The following PHKA2 variants were observed in gnomAD, a reference collection of about 807,000 sequenced individuals.
PHKA2 encodes phosphorylase kinase regulatory subunit alpha 2, also known as phosphorylase b kinase regulatory subunit alpha, liver isoform.
In PHKA2, 31 loss-of-function variants were observed where a neutral mutation model predicts 102.0. The ratio of observed to expected loss-of-function variants is 0.30; its 90% CI spans 0.23 to 0.41. The LOEUF is 0.41. PHKA2 is among the 10% of genes least tolerant of loss of function. The pLI is 1.00. For missense variants in PHKA2, 858 were observed against 1,023.1 expected, an observed-to-expected ratio of 0.84 and a Z score of 2.20; for synonymous variants, 455 against 416.2, an observed-to-expected ratio of 1.09 and a Z score of -1.13.
chrX:18,927,661 C>T (rs1287778501), intron 13 of PHKA2, among the ~76,000 whole-genome samples: 1 of 111,933 alleles, frequency 8.9e-6, no homozygotes, highest in Non-Finnish European at 1.9e-5. Flanking sequence ...CTCATCTGAC[C>T]TTCACAACAA....
intron 31 of PHKA2, chrX:18,894,910 G>C: frequency 4.5e-6 from 2 of 443,821 alleles, no homozygotes; most frequent in East Asian, 3.8e-5. Context: ...CAAAGAGCTT[G>C]CTAGCCCAGA....
At chrX:18,916,152 C>T (rs890683330) in intron 19 of PHKA2, among the ~76,000 whole-genome samples, 45 of 112,258 alleles carry the variant, frequency 4.0e-4, no homozygotes, top group African/African-American at 1.4e-3. Context: ...CGGTGGCTCA[C>T]GCCTGTAATC....
intron 20 of PHKA2, among the ~76,000 whole-genome samples, chrX:18,909,807 G>C (rs941634692): frequency 2.7e-5 from 3 of 112,398 alleles, no homozygotes; most frequent in African/African-American, 9.7e-5. Flanking sequence ...GGTGTCAAGC[G>C]GCTTCTAGAC....
rs2048254561 is a variant in PHKA2 at position 18,928,531 on chromosome X, A to G, written c.1324+697T>C. ...TGTACACACAACATGCTATGACACTAGCTGGTGTGCTCTATGGGGCACAGA... is the reference window on the plus strand; with the variant it reads ...TGTACACACAACATGCTATGACACTGGCTGGTGTGCTCTATGGGGCACAGA... On this transcript the variant is annotated intron_variant, in intron 13 of 32. Coordinates refer to ENST00000379942, the MANE Select transcript of PHKA2 (RefSeq NM_000292.3). Among the ~76,000 whole-genome samples the G allele has an allele frequency of 2.7e-5, 3 of 112,640 alleles. No individual in the cohort carries two copies. In the Admixed American group the frequency reaches 2.8e-4, roughly 11 times the overall value.
chrX:18,974,688 A>ATGG (rs2049061795), intron 1 of PHKA2, among the ~76,000 whole-genome samples: 2 of 111,399 alleles, frequency 1.8e-5, no homozygotes. Flanking sequence ...GTGAGCTCAC[A>ATGG]TGGTGGTGGT....
chrX:18,899,281 C>A, intron 28 of PHKA2, 55 bp from the exon 29 acceptor site: 1 of 993,372 alleles, frequency 1.0e-6, no homozygotes, highest in Non-Finnish European at 1.4e-6. Flanking sequence ...AGAGACACAG[C>A]AGAGAGGAGG....
chrX:18,909,001 T>A, intron 20 of PHKA2, 67 bp from the exon 21 acceptor site: 1 of 1,187,603 alleles, frequency 8.4e-7, no homozygotes, highest in Non-Finnish European at 1.1e-6. Flanking sequence ...GATCAAGAAG[T>A]GAAACACCAA....
At position 18,920,077 on chromosome X, in the gene PHKA2, T is replaced by C; in HGVS notation, c.1918A>G (p.Ser640Gly). 1 of 1,201,875 alleles carries C rather than the reference T, an allele frequency of 8.3e-7. No homozygotes were observed. Among genetic ancestry groups the C allele is most frequent in the Non-Finnish European group, 1.1e-6 (1 of 886,507 alleles). Residue 640 changes from serine (S) to glycine (G), a missense_variant, in exon 18 of 33, where the codon AGT (serine) becomes GGT (glycine). Ser to Gly is a moderately conservative substitution (Grantham distance 56). Coordinates refer to ENST00000379942, the MANE Select transcript of PHKA2 (RefSeq NM_000292.3). ...NASEGTFSPD[S>G]DSDLVGYLED... is the part of the protein sequence containing the mutation. ...AGATATCCTACCAAATCTGAATCAC[T>C]ATCAGGACTGAAAGTCCCTTCGCTG... is the stretch of plus-strand genomic sequence containing the variant.
intron 19 of PHKA2, among the ~76,000 whole-genome samples, chrX:18,911,172 ATT>A (rs201671901): frequency 1.2e-4 from 12 of 96,693 alleles, no homozygotes; most frequent in Admixed American, 1.1e-4. Context: ...CGCCCAGCTA[ATT>A]TTTTTTTTTT....
At chrX:18,967,800 T>C (rs2048965525) in intron 1 of PHKA2, among the ~76,000 whole-genome samples, 1 of 111,236 alleles carries the variant, frequency 9.0e-6, no homozygotes, top group Non-Finnish European at 1.9e-5. Context: ...CAGTCTTTCC[T>C]TTATTAAAAG....
At chrX:18,940,231 G>A (rs954365250) in intron 8 of PHKA2, among the ~76,000 whole-genome samples, 183 bp from the exon 9 acceptor site, 4 of 111,977 alleles carry the variant, frequency 3.6e-5, no homozygotes, top group Non-Finnish European at 7.5e-5. Flanking sequence ...GGTTTGATCG[G>A]TACTTGGAAG....
intron 19 of PHKA2, among the ~76,000 whole-genome samples, chrX:18,917,601 C>T (rs1414030322): frequency 1.8e-5 from 2 of 111,799 alleles, no homozygotes; most frequent in Non-Finnish European, 3.8e-5. Context: ...CCCAGCCAAA[C>T]TCTCAAATGG....
chrX:18,971,045 G>T (rs1450781197), intron 1 of PHKA2, among the ~76,000 whole-genome samples: 1 of 112,731 alleles, frequency 8.9e-6, no homozygotes, highest in Non-Finnish European at 1.9e-5. Flanking sequence ...GCCACTGGTA[G>T]CCCAGGTATC....
intron 6 of PHKA2, among the ~76,000 whole-genome samples, chrX:18,944,438 C>T (rs1370009999): frequency 8.9e-6 from 1 of 111,770 alleles, no homozygotes. Context: ...GCCCTGGAGG[C>T]TCTACTCTGT....
In PHKA2 at chrX:18,906,621, T is replaced by C; in HGVS notation, c.2680A>G (p.Ile894Val). 2 of 1,200,542 alleles carry C rather than the reference T, an allele frequency of 1.7e-6. No homozygotes were observed. Among genetic ancestry groups the C allele is most frequent in the East Asian group, 5.9e-5 (2 of 33,790 alleles). The change falls in exon 25 of 33, where the codon ATT becomes GTT. Residue 894 changes from isoleucine (I) to valine (V), a missense_variant. Transcript: ENST00000379942. The stretch of plus-strand genomic sequence containing the variant: ...ACATACATGGCCAGGTAAACCACAA[T>C]CTCCTGAGGCAGACACACACGGAGA... Reference protein sequence around the residue: ...DISIAVLTQEIVVYLAMYVRA... With the variant: ...DISIAVLTQEVVVYLAMYVRA...
At chrX:18,948,686 A>C in intron 5 of PHKA2, 58 bp downstream of exon 5, 1 of 826,611 alleles carries the variant, frequency 1.2e-6, no homozygotes, top group East Asian at 3.3e-5. Flanking sequence ...ACACTGTATG[A>C]TTTTTATTCT....
chrX:18,966,071 T>C (rs1377753717), intron 1 of PHKA2, among the ~76,000 whole-genome samples: 1 of 103,843 alleles, frequency 9.6e-6, no homozygotes, highest in Non-Finnish European at 2.0e-5. Flanking sequence ...CTCTTGGTGG[T>C]GGCTCTTTTG....
At chrX:18,940,157 A>G in intron 8 of PHKA2, 109 bp from the exon 9 acceptor site, 1 of 572,084 alleles carries the variant, frequency 1.7e-6, no homozygotes, top group Admixed American at 2.4e-5. Flanking sequence ...TGAATTTTAT[A>G]CCAAGTGTTC....
Position 18,948,955 on chromosome X carries a change from A to T in PHKA2, c.455-129T>A. 20 of 491,362 alleles carry T rather than the reference A, an allele frequency of 4.1e-5. No individual in the cohort carries two copies. In the South Asian group the frequency reaches 4.8e-4, roughly 12 times the overall value. 40.5% of individuals were successfully genotyped at this position (491,362 alleles called of 1,213,427 possible). On this transcript the variant is annotated intron_variant, in intron 4 of 32. Transcript: ENST00000379942. ...CATTTTTCTTCCAAAGGCATCAAAAATGAAGTCTTAAGTAAGGCATAACAG... is the reference window on the plus strand; with the variant it reads ...CATTTTTCTTCCAAAGGCATCAAAATTGAAGTCTTAAGTAAGGCATAACAG...
Sources: gnomAD v4.1 joint callset for allele counts (sites outside exome capture counted in the v4.1 genomes callset) on GRCh38, gnomAD v4.1.1 for gene constraint, MANE v1.5 for transcripts, NCBI Gene and HGNC (gene_info 2026-07-23, HGNC 2026-07-21) for gene names.